The following OC90 variants were observed in gnomAD, a reference collection of about 807,000 sequenced individuals.
OC90 encodes the protein otoconin 90.
A neutral mutation model predicts 47.3 loss-of-function variants in OC90; 46 were observed. That is an observed-to-expected ratio of 0.97 (90% CI 0.77 to 1.24). The LOEUF is 1.24. Among genes scored for constraint, OC90 ranks in the 50% most tolerant of loss-of-function variants. The pLI is 0.00. For missense variants in OC90, 688 were observed against 583.9 expected (o/e 1.18, Z -1.84); for synonymous variants, 271 against 219.5 (o/e 1.23, Z -2.07).
intron 12 of OC90, among the ~76,000 whole-genome samples, chr8:132,031,570 C>G (rs1300262356): frequency 6.6e-6 from 1 of 152,176 alleles, no homozygotes; most frequent in Non-Finnish European, 1.5e-5. Flanking sequence ...GATTGGCCCT[C>G]TTGGGGTAGC....
chr8:132,034,281 A>T (rs1343625847), intron 10 of OC90, among the ~76,000 whole-genome samples: 1 of 152,232 alleles, frequency 6.6e-6, no homozygotes, highest in Non-Finnish European at 1.5e-5. Flanking sequence ...CTCCATTTGT[A>T]AAATTATATT....
rs1388036701 is a variant in OC90 at position 132,049,809 on chromosome 8, T to C, written c.47-3926A>G. The C allele has an allele frequency of 2.1e-5, 11 of 517,250 alleles. No homozygotes were observed. In the Admixed American group the frequency reaches 2.1e-4, roughly 10 times the overall value. The allele number at this position is 517,250 out of a possible 1,614,324, so 32.0% of individuals were successfully genotyped here. A position where few individuals can be genotyped will look rare whatever the true frequency, so the allele number is the denominator to read the frequency against. On this transcript the variant is annotated intron_variant, in intron 2 of 13. Transcript: ENST00000254627. Reference sequence around the variant, plus strand: ...AAACCACTTAATGAACAATTACCTGTTGCCATGGCCACGTGACATGGCTGT... The same window carrying C: ...AAACCACTTAATGAACAATTACCTGCTGCCATGGCCACGTGACATGGCTGT...
At chr8:132,040,514 G>A (rs1429779825) in intron 6 of OC90, among the ~76,000 whole-genome samples, 1 of 152,132 alleles carries the variant, frequency 6.6e-6, no homozygotes, top group East Asian at 1.9e-4. Flanking sequence ...ACTGAGATTT[G>A]AACCTATGTG....
intron 1 of OC90, among the ~76,000 whole-genome samples, chr8:132,056,493 T>G (rs989057958): frequency 2.0e-5 from 3 of 152,206 alleles, no homozygotes; most frequent in African/African-American, 7.2e-5. Context: ...TTCTTTGAGA[T>G]TCTTACTCAG....
rs968364999 is a variant in OC90, at chr8:132,054,849, T to C, written c.46+132A>G. The C allele has an allele frequency of 3.4e-4, 188 of 557,512 alleles. 1 individual carries two copies. The East Asian group carries it at 5.7e-3, about 17-fold the overall frequency. The allele number at this position is 557,512 out of a possible 1,614,324, so 34.5% of individuals were successfully genotyped here. A position where few individuals can be genotyped will look rare whatever the true frequency, so the allele number is the denominator to read the frequency against. On this transcript the variant is annotated intron_variant, in intron 2 of 13. Coordinates refer to ENST00000254627, the MANE Select transcript of OC90 (RefSeq NM_001080399.3). Reference sequence around the variant, plus strand: ...AGAGGAATATGTTTAACCATCTCAATTTTATAGAAAGATAAGGACATTTAA... The same window carrying C: ...AGAGGAATATGTTTAACCATCTCAACTTTATAGAAAGATAAGGACATTTAA...
chr8:132,024,637 T>C lies in OC90; in HGVS notation c.1278A>G (p.Glu426=), dbSNP rs368698444. ...LGCPGQPAAC[E]DSLHPVPAAP... ...CTGCGGGCACAGGGTGCAGGCTGTC[T>C]TCACAGGCTGCTGGCTGCCCAGGGC... Residue 426 remains glutamate, a synonymous_variant, in exon 14 of 14, where the codon GAA becomes GAG. Transcript: ENST00000254627. 47 of 1,613,432 alleles carry C rather than the reference T, an allele frequency of 2.9e-5. No homozygotes were observed. Among genetic ancestry groups the C allele is most frequent in the Non-Finnish European group, 3.9e-5 (46 of 1,179,746 alleles).
At chr8:132,053,855 C>T (rs1823247858) in intron 2 of OC90, among the ~76,000 whole-genome samples, 1 of 152,220 alleles carries the variant, frequency 6.6e-6, no homozygotes, top group Admixed American at 6.5e-5. Flanking sequence ...AGTCACAAGG[C>T]AGCTCCGAGT....
intron 2 of OC90, among the ~76,000 whole-genome samples, chr8:132,053,515 T>C (rs978324525): frequency 6.6e-6 from 1 of 152,124 alleles, no homozygotes. Flanking sequence ...GAATATAACA[T>C]CTTTAGATAG....
At chr8:132,057,792 C>T (rs1362201387) in intron 1 of OC90, among the ~76,000 whole-genome samples, 1 of 152,230 alleles carries the variant, frequency 6.6e-6, no homozygotes, top group Admixed American at 6.5e-5. Flanking sequence ...GGTGACAACC[C>T]TCCAAGACTT....
chr8:132,044,295 T>G (rs1381331895), intron 4 of OC90, 138 bp downstream of exon 4: 2 of 632,600 alleles, frequency 3.2e-6, no homozygotes, highest in Non-Finnish European at 5.7e-6. Flanking sequence ...CGTCGGAACT[T>G]GGGTCTCCTT....
chr8:132,041,214 G>A (rs1823048574), intron 5 of OC90, 58 bp from the exon 6 acceptor site: 2 of 1,035,498 alleles, frequency 1.9e-6, no homozygotes, highest in Non-Finnish European at 3.0e-6. Context: ...AGGGAGGGCA[G>A]GCAGCTCATG....
intron 4 of OC90, among the ~76,000 whole-genome samples, chr8:132,042,906 C>T (rs868620003): frequency 3.9e-5 from 6 of 152,158 alleles, no homozygotes; most frequent in East Asian, 1.9e-4. Flanking sequence ...CCAGGAATTC[C>T]GCTACTGGAA....
chr8:132,048,589 C>T (rs2130862399), intron 2 of OC90, among the ~76,000 whole-genome samples: 1 of 151,704 alleles, frequency 6.6e-6, no homozygotes, highest in East Asian at 1.9e-4. Flanking sequence ...CCCCCTACAC[C>T]CTTAGCCACA....
At chr8:132,049,416 C>A (rs1563734200) in intron 2 of OC90, among the ~76,000 whole-genome samples, 1 of 152,166 alleles carries the variant, frequency 6.6e-6, no homozygotes, top group African/African-American at 2.4e-5. Context: ...TCACGCAATT[C>A]AAAACTTGCG....
chr8:132,047,441 AT>A (rs1415946991), intron 2 of OC90, among the ~76,000 whole-genome samples: 6 of 152,206 alleles, frequency 3.9e-5, no homozygotes, highest in Non-Finnish European at 8.8e-5. Context: ...TTAATGCAAC[AT>A]TTTAAGCCAA....
chr8:132,026,568 C>T (rs1355251346), intron 13 of OC90, among the ~76,000 whole-genome samples: 1 of 152,176 alleles, frequency 6.6e-6, no homozygotes, highest in Non-Finnish European at 1.5e-5. Context: ...ATTTGAGATG[C>T]CCTCATTTCT....
intron 8 of OC90, 61 bp downstream of exon 8, chr8:132,038,729 C>T (rs188091703): frequency 8.9e-6 from 12 of 1,343,646 alleles, no homozygotes; most frequent in South Asian, 8.4e-5. Context: ...GTGTATCCAC[C>T]GGCTCCCATC....
chr8:132,049,549 C>A (rs549300901), intron 2 of OC90, among the ~76,000 whole-genome samples: 6 of 152,218 alleles, frequency 3.9e-5, no homozygotes, highest in Non-Finnish European at 5.9e-5. Context: ...ATCTTATAGC[C>A]ATGATATCTC....
rs1823125976 is a variant in OC90 at position 132,045,885 on chromosome 8, T to C, written c.47-2A>G. ...GTGGAGTGTCCAGAGGATGGCCTCC[T>C]ATAAATAAGGAAGAGAAAGTAGGGT... On this transcript the variant is annotated splice_acceptor_variant, in intron 2 of 13. Transcript: ENST00000254627. LOFTEE classifies it high-confidence loss of function. The C allele has an allele frequency of 5.9e-6, 9 of 1,529,684 alleles. No homozygotes were observed. The highest frequency in any genetic ancestry group is 3.4e-4 in the Middle Eastern group (2 of 5,956). 94.8% of individuals were successfully genotyped at this position (1,529,684 alleles called of 1,614,324 possible).
Sources: gnomAD v4.1 joint callset for allele counts (sites outside exome capture counted in the v4.1 genomes callset) on GRCh38, gnomAD v4.1.1 for gene constraint, MANE v1.5 for transcripts, NCBI Gene and HGNC (gene_info 2026-07-23, HGNC 2026-07-21) for gene names.